The following PAK1 variants were observed in gnomAD, a reference collection of about 807,000 sequenced individuals.
The protein encoded by PAK1 is serine/threonine-protein kinase PAK 1.
A neutral mutation model predicts 67.4 loss-of-function variants in PAK1; 29 were observed. The observed-to-expected ratio is 0.43, with a 90% CI of 0.32 to 0.59. The LOEUF is 0.59. Ranked by LOEUF, PAK1 falls within the 20% of genes least tolerant of loss-of-function variation. PAK1 has a pLI of 0.07. For missense variants in PAK1, 337 were observed against 670.7 expected (o/e 0.50, Z 5.50); for synonymous variants, 223 against 237.4 (o/e 0.94, Z 0.56).
At chr11:77,442,917 C>A (rs544616855) in intron 1 of PAK1, among the ~76,000 whole-genome samples, 5 of 152,288 alleles carry the variant, frequency 3.3e-5, no homozygotes, top group African/African-American at 1.2e-4. Flanking sequence ...CAATTCATTT[C>A]ATCTCTCTTA....
intron 5 of PAK1, among the ~76,000 whole-genome samples, chr11:77,367,704 C>A (rs751422406): frequency 5.9e-5 from 9 of 152,108 alleles, no homozygotes; most frequent in Non-Finnish European, 1.2e-4. Context: ...TAGGGCTGGG[C>A]GTGGTGGCTC....
the PAK1 span, among the ~76,000 whole-genome samples, chr11:77,506,522 G>T: frequency 2.6e-5 from 4 of 152,262 alleles, no homozygotes; most frequent in East Asian, 1.9e-4. Flanking sequence ...AAAGCAGCCA[G>T]TTCCGATTTG....
chr11:77,498,031 T>C, the PAK1 span, among the ~76,000 whole-genome samples: 1 of 152,178 alleles, frequency 6.6e-6, no homozygotes, highest in South Asian at 2.1e-4. Flanking sequence ...TTCTATTTTA[T>C]ATTATTTCAT....
chr11:77,335,903 A>G (rs1306732134), intron 13 of PAK1, among the ~76,000 whole-genome samples, 183 bp downstream of exon 13: 1 of 152,222 alleles, frequency 6.6e-6, no homozygotes, highest in East Asian at 1.9e-4. Context: ...TTGTTGAATA[A>G]ATGAATGAGT....
intron 5 of PAK1, among the ~76,000 whole-genome samples, chr11:77,373,143 A>T (rs1409284855): frequency 6.6e-6 from 1 of 152,128 alleles, no homozygotes; most frequent in African/African-American, 2.4e-5. Flanking sequence ...TCACTTATTC[A>T]CACCGGACTT....
chr11:77,438,008 T>C (rs1173247905), intron 1 of PAK1, among the ~76,000 whole-genome samples: 2 of 151,998 alleles, frequency 1.3e-5, no homozygotes, highest in Non-Finnish European at 2.9e-5. Flanking sequence ...CCTTTCCTTC[T>C]CCCTCTTCTC....
At chr11:77,415,122 A>G (rs1954877849) in intron 1 of PAK1, among the ~76,000 whole-genome samples, 1 of 152,258 alleles carries the variant, frequency 6.6e-6, no homozygotes, top group African/African-American at 2.4e-5. Context: ...AAGCATATGA[A>G]AAGATGCTCA....
chr11:77,491,617 G>A, the PAK1 span, among the ~76,000 whole-genome samples: 1 of 152,144 alleles, frequency 6.6e-6, no homozygotes. Context: ...GTGTTAAGTT[G>A]TCATCAGTTT....
chr11:77,456,886 C>T (rs1352989286), intron 1 of PAK1, among the ~76,000 whole-genome samples: 1 of 151,996 alleles, frequency 6.6e-6, no homozygotes, highest in Non-Finnish European at 1.5e-5. Flanking sequence ...GGACTACAGG[C>T]GTGCACCACC....
intron 1 of PAK1, among the ~76,000 whole-genome samples, chr11:77,411,532 C>A (rs575181371): frequency 1.3e-5 from 2 of 152,132 alleles, no homozygotes; most frequent in African/African-American, 4.8e-5. Context: ...CCCAAAGGCG[C>A]AGCTTCCCCT....
intron 1 of PAK1, among the ~76,000 whole-genome samples, chr11:77,431,494 G>A (rs1190204087): frequency 1.3e-5 from 2 of 152,100 alleles, no homozygotes; most frequent in African/African-American, 2.4e-5. Flanking sequence ...TTTTCCTCTC[G>A]TAGGACTTAT....
At chr11:77,476,473 C>T (rs919675190), upstream of PAK1, 3 of 152,112 alleles carry the variant, frequency 2.0e-5, no homozygotes, top group Non-Finnish European at 4.4e-5. Context: ...AATATGTTAC[C>T]TTCCATGACA....
chr11:77,441,271 C>T (rs1956344910), intron 1 of PAK1, among the ~76,000 whole-genome samples: 1 of 152,170 alleles, frequency 6.6e-6, no homozygotes, highest in Non-Finnish European at 1.5e-5. Context: ...ACATCTAGGT[C>T]CATTTCTCTG....
At chr11:77,323,643 T>C (rs1938919426) in intron 14 of PAK1, among the ~76,000 whole-genome samples, 1 of 152,164 alleles carries the variant, frequency 6.6e-6, no homozygotes, top group South Asian at 2.1e-4. Context: ...CACAGAAATG[T>C]TCATAAAAGA....
At chr11:77,438,554 T>G (rs1956227200) in intron 1 of PAK1, among the ~76,000 whole-genome samples, 1 of 152,234 alleles carries the variant, frequency 6.6e-6, no homozygotes, top group Non-Finnish European at 1.5e-5. Context: ...ATTTTTAGAC[T>G]GAAATCTGTG....
intron 1 of PAK1, among the ~76,000 whole-genome samples, chr11:77,423,917 A>T (rs1955416354): frequency 6.6e-6 from 1 of 152,250 alleles, no homozygotes; most frequent in African/African-American, 2.4e-5. Context: ...AGATGTAAGC[A>T]TCAGACTCTG....
intron 1 of PAK1, among the ~76,000 whole-genome samples, chr11:77,431,799 C>T (rs1955872916): frequency 6.6e-6 from 1 of 152,176 alleles, no homozygotes; most frequent in South Asian, 2.1e-4. Context: ...CTAACTTACC[C>T]ACGTATAGAT....
intron 1 of PAK1, among the ~76,000 whole-genome samples, chr11:77,442,457 C>T (rs887420998): frequency 6.6e-6 from 1 of 152,216 alleles, no homozygotes; most frequent in Non-Finnish European, 1.5e-5. Flanking sequence ...GACAGGCACA[C>T]ATGGCAAAGA....
chr11:77,444,292 A>AAT (rs576693605), intron 1 of PAK1, among the ~76,000 whole-genome samples: 1 of 151,306 alleles, frequency 6.6e-6, no homozygotes, highest in Non-Finnish European at 1.5e-5. Flanking sequence ...GCTCTAAAAA[A>AAT]AAAAAAAAAA....
Sources: allele counts gnomAD v4.1 joint callset (sites outside exome capture counted in the v4.1 genomes callset), GRCh38; gene constraint gnomAD v4.1.1; transcripts MANE v1.5; gene names NCBI Gene and HGNC (gene_info 2026-07-23, HGNC 2026-07-21).